The following MSH3 variants were observed in gnomAD, a reference collection of about 807,000 sequenced individuals.
MSH3 encodes the protein DNA mismatch repair protein Msh3.
MSH3 carries 106 observed loss-of-function variants against 123.3 expected under a neutral mutation model. The ratio of observed to expected loss-of-function variants is 0.86; its 90% CI spans 0.73 to 1.01. The LOEUF (loss-of-function observed/expected upper bound fraction) is 1.01. MSH3 is among the 50% of genes least tolerant of loss of function. The probability of loss-of-function intolerance (pLI) is 0.00; values close to 1 mark genes in which losing one functional copy is unlikely to be tolerated. For missense variants in MSH3, 1,459 were observed against 1,347.6 expected (o/e 1.08, Z -1.29); for synonymous variants, 515 against 481.4 (o/e 1.07, Z -0.91).
chr5:80,813,475 A>T (rs907275442), intron 19 of MSH3, 109 bp from the exon 20 acceptor site: 3 of 1,137,568 alleles, frequency 2.6e-6, no homozygotes, highest in African/African-American at 3.1e-5. Flanking sequence ...TGTGATATTT[A>T]TGCTACAAAG....
chr5:80,733,184 T>C (rs1032909278), intron 10 of MSH3, among the ~76,000 whole-genome samples: 1 of 152,214 alleles, frequency 6.6e-6, no homozygotes, highest in Non-Finnish European at 1.5e-5. Context: ...AATAAACTTA[T>C]GGTCATTTGA....
At chr5:80,775,546 T>C (rs949331495) in intron 15 of MSH3, 148 bp from the exon 16 acceptor site, 5 of 592,834 alleles carry the variant, frequency 8.4e-6, no homozygotes, top group East Asian at 2.8e-5. Flanking sequence ...TTTGTCTGTA[T>C]TGACATATAT....
intron 6 of MSH3, among the ~76,000 whole-genome samples, chr5:80,673,537 C>G (rs941027955): frequency 2.0e-5 from 3 of 151,968 alleles, no homozygotes; most frequent in African/African-American, 7.3e-5. Flanking sequence ...CTCAAACAAA[C>G]AAACAAACAA....
chr5:80,747,660 A>G (rs1407333714), intron 12 of MSH3, among the ~76,000 whole-genome samples: 3 of 152,320 alleles, frequency 2.0e-5, no homozygotes, highest in South Asian at 4.1e-4. Flanking sequence ...ATAATTAGTC[A>G]TGTACCACAT....
At chr5:80,662,892 G>T (rs1650678) in intron 2 of MSH3, among the ~76,000 whole-genome samples, 91 of 151,802 alleles carry the variant, frequency 6.0e-4, no homozygotes, top group African/African-American at 2.2e-3. Context: ...CAGACCAGGT[G>T]GTCTTTGGTA....
intron 19 of MSH3, among the ~76,000 whole-genome samples, chr5:80,808,874 TATATATATAC>T (rs1014985860): frequency 1.3e-4 from 10 of 79,798 alleles, no homozygotes; most frequent in African/African-American, 4.8e-4. Context: ...TATATATATA[TATATATATAC>T]ACAATCTAAA....
chr5:80,694,552 A>G (rs984374557), intron 8 of MSH3, among the ~76,000 whole-genome samples: 2 of 152,036 alleles, frequency 1.3e-5, no homozygotes, highest in Non-Finnish European at 2.9e-5. Context: ...AGGGGTTCCT[A>G]TTGCTTACCT....
chr5:80,811,948 C>G (rs1561486171), intron 19 of MSH3, among the ~76,000 whole-genome samples: 1 of 151,894 alleles, frequency 6.6e-6, no homozygotes, highest in South Asian at 2.1e-4. Context: ...ATTTTTTACT[C>G]TCTGTAAAAT....
chr5:80,719,678 G>C (rs1054926437), intron 8 of MSH3, among the ~76,000 whole-genome samples: 1 of 152,134 alleles, frequency 6.6e-6, no homozygotes, highest in Non-Finnish European at 1.5e-5. Flanking sequence ...TTATTTCACA[G>C]TTGTAATATA....
At chr5:80,768,644 G>A (rs1744165284) in intron 14 of MSH3, among the ~76,000 whole-genome samples, 191 bp from the exon 15 acceptor site, 1 of 152,094 alleles carries the variant, frequency 6.6e-6, no homozygotes, top group African/African-American at 2.4e-5. Flanking sequence ...TTAAAAAGCA[G>A]AAATGATTTT....
At chr5:80,819,223 A>G (rs907911145) in intron 20 of MSH3, among the ~76,000 whole-genome samples, 2 of 152,040 alleles carry the variant, frequency 1.3e-5, no homozygotes, top group Non-Finnish European at 2.9e-5. Context: ...AATGACATAG[A>G]AATTATAATG....
intron 7 of MSH3, among the ~76,000 whole-genome samples, chr5:80,677,529 T>C (rs914157186): frequency 1.3e-5 from 2 of 152,200 alleles, no homozygotes; most frequent in African/African-American, 2.4e-5. Flanking sequence ...TGATAGTCCA[T>C]CTCTCTAGGC....
intron 20 of MSH3, among the ~76,000 whole-genome samples, chr5:80,827,856 A>G (rs1745346445): frequency 6.6e-6 from 1 of 152,226 alleles, no homozygotes; most frequent in African/African-American, 2.4e-5. Flanking sequence ...CTGTTGTAGT[A>G]GGTATGATGA....
At chr5:80,679,362 A>G (rs1212932352) in intron 8 of MSH3, among the ~76,000 whole-genome samples, 1 of 152,164 alleles carries the variant, frequency 6.6e-6, no homozygotes, top group Non-Finnish European at 1.5e-5. Flanking sequence ...GTGAGATCTC[A>G]TATCTAAAAA....
At chr5:80,872,492 T>C (rs2050651124) in intron 22 of MSH3, among the ~76,000 whole-genome samples, 1 of 151,602 alleles carries the variant, frequency 6.6e-6, no homozygotes, top group African/African-American at 2.4e-5. Flanking sequence ...GGAGAAATTA[T>C]ATTGTATCAA....
chr5:80,670,862 A>G (rs1749709058), intron 4 of MSH3, among the ~76,000 whole-genome samples: 1 of 152,098 alleles, frequency 6.6e-6, no homozygotes, highest in Admixed American at 6.6e-5. Flanking sequence ...GCTCATGCTT[A>G]TAATCCCAGC....
intron 18 of MSH3, 61 bp from the exon 19 acceptor site, chr5:80,792,672 G>C: frequency 2.0e-6 from 2 of 1,010,958 alleles, no homozygotes; most frequent in Non-Finnish European, 3.1e-6. Context: ...TGCTATCTTA[G>C]AGTTTTTTTT....
chr5:80,774,342 A>C (rs1440357965), intron 15 of MSH3, among the ~76,000 whole-genome samples: 1 of 151,804 alleles, frequency 6.6e-6, no homozygotes, highest in East Asian at 1.9e-4. Context: ...ACTCTTGTAC[A>C]CTGTTGGTGG....
intron 8 of MSH3, among the ~76,000 whole-genome samples, chr5:80,694,011 G>C (rs1175772786): frequency 3.9e-5 from 6 of 152,134 alleles, no homozygotes; most frequent in Non-Finnish European, 5.9e-5. Flanking sequence ...TTGGCATATG[G>C]AGAGAGTAGC....
Sources: gnomAD v4.1 joint callset for allele counts (sites outside exome capture counted in the v4.1 genomes callset) on GRCh38, gnomAD v4.1.1 for gene constraint, MANE v1.5 for transcripts, NCBI Gene and HGNC (gene_info 2026-07-23, HGNC 2026-07-21) for gene names.